RNF150: variants seen among roughly 807,000 people sequenced by gnomAD.
RNF150 encodes ring finger protein 150.
In RNF150, 24 loss-of-function variants were observed where a neutral mutation model predicts 39.3. The ratio of observed to expected loss-of-function variants is 0.61; its 90% confidence interval spans 0.44 to 0.86. RNF150 has a LOEUF of 0.86. RNF150 is among the 40% of genes least tolerant of loss of function. The pLI is 0.00. For synonymous variants in RNF150, 255 were observed against 227.3 expected (o/e 1.12, Z -1.10); for missense variants, 502 against 587.8 (o/e 0.85, Z 1.51).
chr4:140,919,769 C>A (rs1369640622), intron 5 of RNF150, among the ~76,000 whole-genome samples: 5 of 152,194 alleles, frequency 3.3e-5, no homozygotes, highest in African/African-American at 9.6e-5. Flanking sequence ...AGACATCACG[C>A]TACCTGACTT....
At chr4:141,156,789 CT>C (rs1325398679) in intron 1 of RNF150, among the ~76,000 whole-genome samples, 1 of 147,794 alleles carries the variant, frequency 6.8e-6, no homozygotes, top group Admixed American at 6.7e-5. Context: ...TACCTGTAAT[CT>C]CAGCTACTCA....
intron 1 of RNF150, among the ~76,000 whole-genome samples, chr4:141,168,286 C>T (rs551424083): frequency 6.6e-6 from 1 of 152,048 alleles, no homozygotes; most frequent in Non-Finnish European, 1.5e-5. Context: ...ATTAAAAAGT[C>T]AGAAAACAAC....
intron 2 of RNF150, among the ~76,000 whole-genome samples, chr4:140,967,418 C>A (rs974398035): frequency 6.6e-6 from 1 of 151,980 alleles, no homozygotes; most frequent in African/African-American, 2.4e-5. Context: ...TAGGACAAAT[C>A]ACCTCCATTT....
chr4:141,062,240 A>G (rs1307905998), intron 1 of RNF150, among the ~76,000 whole-genome samples: 1 of 152,068 alleles, frequency 6.6e-6, no homozygotes, highest in Non-Finnish European at 1.5e-5. Flanking sequence ...CTTCCTTCTG[A>G]GTCTTTGCGT....
chr4:140,881,890 A>G (rs1729387125), intron 6 of RNF150, among the ~76,000 whole-genome samples: 1 of 152,026 alleles, frequency 6.6e-6, no homozygotes, highest in Non-Finnish European at 1.5e-5. Flanking sequence ...CTTTAAAAAA[A>G]GAGGATGTTG....
intron 2 of RNF150, among the ~76,000 whole-genome samples, chr4:140,965,201 C>T (rs1293298118): frequency 6.6e-6 from 1 of 152,048 alleles, no homozygotes; most frequent in Non-Finnish European, 1.5e-5. Context: ...ACACCTCACA[C>T]CTGTTAGGAC....
At chr4:141,151,944 A>AT (rs1402753593) in intron 1 of RNF150, among the ~76,000 whole-genome samples, 2 of 152,296 alleles carry the variant, frequency 1.3e-5, no homozygotes, top group South Asian at 2.1e-4. Flanking sequence ...AAAATATTTA[A>AT]TTTTTGGAAA....
chr4:141,155,756 C>A (rs529949723), intron 1 of RNF150, among the ~76,000 whole-genome samples: 6 of 152,244 alleles, frequency 3.9e-5, no homozygotes, highest in Non-Finnish European at 8.8e-5. Flanking sequence ...ACAGCCAGAA[C>A]GAGTCCATGG....
intron 4 of RNF150, among the ~76,000 whole-genome samples, chr4:140,947,098 A>C (rs1732345167): frequency 6.6e-6 from 1 of 151,950 alleles, no homozygotes; most frequent in Non-Finnish European, 1.5e-5. Flanking sequence ...CCCCAACTAT[A>C]CATGCCTGGC....
intron 6 of RNF150, among the ~76,000 whole-genome samples, chr4:140,888,292 A>G (rs1729646561): frequency 6.6e-6 from 1 of 152,136 alleles, no homozygotes; most frequent in African/African-American, 2.4e-5. Context: ...TGATGTTTTG[A>G]CCCGGAGCCT....
intron 5 of RNF150, among the ~76,000 whole-genome samples, chr4:140,916,977 C>A (rs1025740143): frequency 6.6e-6 from 1 of 152,146 alleles, no homozygotes; most frequent in Non-Finnish European, 1.5e-5. Flanking sequence ...AAATCCTTTA[C>A]AGACAAGCAA....
At chr4:140,999,490 C>T (rs1431952667) in intron 1 of RNF150, among the ~76,000 whole-genome samples, 2 of 152,134 alleles carry the variant, frequency 1.3e-5, no homozygotes, top group African/African-American at 2.4e-5. Context: ...AACAGATATC[C>T]TACAGTTTAG....
intron 1 of RNF150, among the ~76,000 whole-genome samples, chr4:141,009,211 T>C (rs1431321069): frequency 6.6e-6 from 1 of 152,222 alleles, no homozygotes; most frequent in African/African-American, 2.4e-5. Context: ...TTGTTAAGAC[T>C]AACATATGCT....
intron 1 of RNF150, among the ~76,000 whole-genome samples, chr4:141,000,437 C>T (rs1734623969): frequency 6.6e-6 from 1 of 152,092 alleles, no homozygotes. Flanking sequence ...AGAGTGGTTT[C>T]CCCCTGAGTC....
intron 1 of RNF150, among the ~76,000 whole-genome samples, chr4:141,013,632 T>A (rs116379677): frequency 6.6e-6 from 1 of 152,220 alleles, no homozygotes; most frequent in Non-Finnish European, 1.5e-5. Context: ...TTTTTTCCAA[T>A]GCAACCTCTC....
At chr4:140,984,913 A>G (rs1201666082) in intron 1 of RNF150, among the ~76,000 whole-genome samples, 2 of 152,042 alleles carry the variant, frequency 1.3e-5, no homozygotes, top group African/African-American at 4.8e-5. Flanking sequence ...ATAACATATG[A>G]TTTATTGGCT....
rs192388486 is a variant in RNF150 at position 140,932,025 on chromosome 4, T to C, written c.891-5952A>G. Among the ~76,000 whole-genome samples the C allele has an allele frequency of 1.1e-4, 16 of 152,346 alleles. No homozygotes were observed. The East Asian group carries it at 3.1e-3, about 29-fold the overall frequency. On this transcript the variant is annotated intron_variant, in intron 4 of 6. Transcript: ENST00000515673. The stretch of plus-strand genomic sequence containing the variant: ...ATCTCTTTCACTTTTGTAGACACCG[T>C]TGGACCCTAACACCCTGCAAGTGAG...
At chr4:141,194,222 T>C (rs1320225370) in intron 1 of RNF150, among the ~76,000 whole-genome samples, 1 of 152,226 alleles carries the variant, frequency 6.6e-6, no homozygotes, top group Admixed American at 6.5e-5. Flanking sequence ...ACAATTACTA[T>C]GAATACAACT....
intron 4 of RNF150, among the ~76,000 whole-genome samples, chr4:140,929,600 T>C (rs1256798949): frequency 1.3e-5 from 2 of 152,030 alleles, no homozygotes; most frequent in African/African-American, 4.8e-5. Context: ...TCTCCTGAAC[T>C]CGTGATCCAC....
Sources: gnomAD v4.1 joint callset for allele counts (sites outside exome capture counted in the v4.1 genomes callset) on GRCh38, gnomAD v4.1.1 for gene constraint, MANE v1.5 for transcripts, NCBI Gene and HGNC (gene_info 2026-07-23, HGNC 2026-07-21) for gene names.